The following CRACR2A variants were observed in gnomAD, a reference collection of about 807,000 sequenced individuals.
The protein encoded by CRACR2A is calcium release activated channel regulator 2A, also known as EF-hand calcium-binding domain-containing protein 4B.
Under a neutral mutation model 90.5 loss-of-function variants are expected in CRACR2A, and 79 were observed. That is an observed-to-expected ratio of 0.87 (90% confidence interval 0.73 to 1.05). CRACR2A has a LOEUF of 1.05. Among genes scored for constraint, CRACR2A ranks in the 50% least tolerant of loss-of-function variants. The pLI is 0.00. For missense variants in CRACR2A, 823 were observed against 897.2 expected (o/e 0.92, Z 1.06); for synonymous variants, 338 against 356.7 (o/e 0.95, Z 0.59).
intron 6 of CRACR2A, among the ~76,000 whole-genome samples, chr12:3,674,814 T>C (rs1396454935): frequency 2.0e-5 from 3 of 152,368 alleles, no homozygotes; most frequent in South Asian, 2.1e-4. Flanking sequence ...GCTCAGTTCA[T>C]TGTCTTCTCA....
intron 3 of CRACR2A, among the ~76,000 whole-genome samples, chr12:3,703,538 A>G (rs1945867710): frequency 6.6e-6 from 1 of 152,260 alleles, no homozygotes; most frequent in Non-Finnish European, 1.5e-5. Flanking sequence ...TATAACAACA[A>G]AAGTGCAATT....
In CRACR2A at chr12:3,718,596, A is replaced by G. The variant is rs151074930; in HGVS notation, c.-117-5279T>C. Among the ~76,000 whole-genome samples, 130 of 152,376 alleles carry G rather than the reference A, an allele frequency of 8.5e-4. 1 individual carries two copies. The highest frequency in any genetic ancestry group is 3.1e-3 in the African/African-American group (129 of 41,580). Reference sequence around the variant, plus strand: ...AGTTCAAAAGAAAGGAATGTAAAAGATCTCGTTAATAATTTTTAGAGTGAC... The same window carrying G: ...AGTTCAAAAGAAAGGAATGTAAAAGGTCTCGTTAATAATTTTTAGAGTGAC... On this transcript the variant is annotated intron_variant, in intron 2 of 19. Coordinates refer to ENST00000440314, the MANE Select transcript of CRACR2A (RefSeq NM_001144958.2).
chr12:3,750,840 A>C (rs1946692079), intron 1 of CRACR2A, among the ~76,000 whole-genome samples: 1 of 152,150 alleles, frequency 6.6e-6, no homozygotes, highest in African/African-American at 2.4e-5. Flanking sequence ...AGGAGCCCCA[A>C]GGCAGAATGG....
In CRACR2A at chr12:3,632,955, C is replaced by T. The variant is rs755228804; in HGVS notation, c.1735+649G>A. On this transcript the variant is annotated intron_variant, in intron 15 of 19. Coordinates refer to ENST00000440314, the MANE Select transcript of CRACR2A (RefSeq NM_001144958.2). ...TCACCACATATTCCAATGCAACCCT[C>T]AACTGTGGGTGAAGGGATTAAAGGC... 3.3e-5 allele frequency among the ~76,000 whole-genome samples: 5 copies of T among 152,322 alleles called. No individual in the cohort carries two copies. In the East Asian group the frequency reaches 9.7e-4, roughly 29 times the overall value.
intron 3 of CRACR2A, among the ~76,000 whole-genome samples, chr12:3,698,790 CA>C (rs1351922962): frequency 1.3e-5 from 2 of 152,180 alleles, no homozygotes; most frequent in African/African-American, 4.8e-5. Context: ...GTGCATTGTT[CA>C]GCCCGCCTGC....
intron 1 of CRACR2A, among the ~76,000 whole-genome samples, chr12:3,751,343 C>T (rs748179745): frequency 4.6e-5 from 7 of 152,176 alleles, no homozygotes; most frequent in Non-Finnish European, 1.0e-4. Flanking sequence ...CTGCAATGGG[C>T]TTCTTCCCAG....
chr12:3,751,501 C>T (rs11609260), intron 1 of CRACR2A, among the ~76,000 whole-genome samples: 19 of 152,298 alleles, frequency 1.2e-4, no homozygotes, highest in South Asian at 4.1e-4. Context: ...TTTCTAGACT[C>T]GTAACACTCC....
chr12:3,615,597 T>C (rs186943996), intron 19 of CRACR2A, among the ~76,000 whole-genome samples, 158 bp from the exon 20 acceptor site: 1 of 152,154 alleles, frequency 6.6e-6, no homozygotes, highest in Non-Finnish European at 1.5e-5. Context: ...CATCCCCCCC[T>C]GGACAGTACA....
At chr12:3,745,746 C>G (rs1335413051) in intron 1 of CRACR2A, among the ~76,000 whole-genome samples, 1 of 113,510 alleles carries the variant, frequency 8.8e-6, no homozygotes. Flanking sequence ...CCATTGCGCT[C>G]CAGCCTGGGC....
At chr12:3,691,936 C>T (rs566794647) in intron 4 of CRACR2A, among the ~76,000 whole-genome samples, 2 of 152,328 alleles carry the variant, frequency 1.3e-5, no homozygotes, top group Admixed American at 1.3e-4. Flanking sequence ...TTGGTCTATT[C>T]TGCTATTAAT....
In CRACR2A at chr12:3,619,335, C is replaced by A; in HGVS notation, c.1970G>T (p.Gly657Val). The A allele has an allele frequency of 1.3e-6, 2 of 1,551,686 alleles. No homozygotes were observed. The highest frequency in any genetic ancestry group is 1.7e-6 in the Non-Finnish European group (2 of 1,147,000). The change falls in exon 18 of 20, where the codon GGT becomes GTT. Residue 657 changes from glycine (G) to valine (V), a missense_variant. Physicochemically the swap from Gly to Val is moderately radical, Grantham distance 109. Transcript: ENST00000440314. ...CTCCTTCTCGTTGTCAAGCTTATTA[C>A]CCAGCAGAAGAACAGGCACCCGGTC... ...VGDRVPVLLL[G>V]NKLDNEKERE...
intron 7 of CRACR2A, among the ~76,000 whole-genome samples, chr12:3,664,790 TGAGG>T (rs1199878942): frequency 6.2e-4 from 95 of 152,324 alleles, no homozygotes; most frequent in African/African-American, 2.2e-3. Flanking sequence ...GCAGATCACC[TGAGG>T]TCAGGAGTTC....
At chr12:3,729,131 G>C (rs188969744) in intron 2 of CRACR2A, 26 of 152,304 alleles carry the variant, frequency 1.7e-4, no homozygotes, top group African/African-American at 4.3e-4. Context: ...CGAGCGCAGT[G>C]CCTGGCATTC....
intron 1 of CRACR2A, among the ~76,000 whole-genome samples, chr12:3,733,560 T>C (rs143092889): frequency 3.3e-5 from 5 of 152,228 alleles, no homozygotes; most frequent in Admixed American, 3.3e-4. Flanking sequence ...TGCCATCTGA[T>C]GTGTTGACTG....
intron 4 of CRACR2A, among the ~76,000 whole-genome samples, chr12:3,695,916 G>A (rs751871248): frequency 1.7e-4 from 26 of 152,264 alleles, no homozygotes; most frequent in Non-Finnish European, 3.4e-4. Flanking sequence ...CATCAAACCA[G>A]GAGTGGGCAA....
At chr12:3,674,870 A>C (rs1018991668) in intron 6 of CRACR2A, among the ~76,000 whole-genome samples, 8 of 152,186 alleles carry the variant, frequency 5.3e-5, no homozygotes, top group African/African-American at 1.9e-4. Context: ...TAATCTTTCA[A>C]GTTTCCAGCT....
chr12:3,750,249 A>T (rs1024230858), intron 1 of CRACR2A, among the ~76,000 whole-genome samples: 2 of 152,100 alleles, frequency 1.3e-5, no homozygotes, highest in African/African-American at 4.8e-5. Context: ...GGGCTATTTT[A>T]CAGGAAACCC....
intron 17 of CRACR2A, among the ~76,000 whole-genome samples, chr12:3,625,247 G>A (rs1056107584): frequency 4.6e-5 from 7 of 152,104 alleles, no homozygotes; most frequent in South Asian, 2.1e-4. Context: ...GCCACACGCC[G>A]CTGATGATTT....
At position 3,744,338 on chromosome 12, in the gene CRACR2A, G is replaced by T. The variant is rs568286356; in HGVS notation, c.-387+8677C>A. Reference sequence around the variant, plus strand: ...CCAGTGAAGAATCCTAATGGAACATGGTTCACATAATACAAACCCAGATCC... The same window carrying T: ...CCAGTGAAGAATCCTAATGGAACATTGTTCACATAATACAAACCCAGATCC... On this transcript the variant is annotated intron_variant, in intron 1 of 19. Transcript: ENST00000440314. Among the ~76,000 whole-genome samples, 7 of 152,298 alleles carry T rather than the reference G, an allele frequency of 4.6e-5. No individual in the cohort carries two copies. In the South Asian group the frequency reaches 1.5e-3, roughly 32 times the overall value.
Sources: allele counts gnomAD v4.1 joint callset (sites outside exome capture counted in the v4.1 genomes callset), GRCh38; gene constraint gnomAD v4.1.1; transcripts MANE v1.5; gene names NCBI Gene and HGNC (gene_info 2026-07-23, HGNC 2026-07-21).